GAB4: variants seen among roughly 807,000 people sequenced by gnomAD.
GAB4 encodes the protein GRB2-associated-binding protein 4.
Under a neutral mutation model 51.3 loss-of-function variants are expected in GAB4, and 26 were observed. The ratio of observed to expected loss-of-function variants is 0.51; its 90% CI spans 0.37 to 0.70. The LOEUF (loss-of-function observed/expected upper bound fraction) is 0.70. GAB4 is among the 30% of genes least tolerant of loss of function. The pLI is 0.00. For missense variants in GAB4, 759 were observed against 734.6 expected (o/e 1.03, Z -0.38); for synonymous variants, 329 against 291.2 (o/e 1.13, Z -1.32).
intron 6 of GAB4, among the ~76,000 whole-genome samples, chr22:16,965,855 G>C (rs1418844971): frequency 6.6e-6 from 1 of 152,210 alleles, no homozygotes; most frequent in Non-Finnish European, 1.5e-5. Context: ...TCTACACGTG[G>C]AGGGCACAGA....
intron 4 of GAB4, chr22:16,969,497 G>A (rs1416105628): frequency 2.1e-6 from 1 of 472,200 alleles, no homozygotes; most frequent in Non-Finnish European, 3.7e-6. Context: ...GACTATCAGT[G>A]ACCTGAGTGG....
At chr22:16,978,491 G>A (rs1236588511) in intron 3 of GAB4, among the ~76,000 whole-genome samples, 1 of 152,242 alleles carries the variant, frequency 6.6e-6, no homozygotes, top group Middle Eastern at 3.4e-3. Context: ...GAAGGAAGTC[G>A]AATCCCTGAA....
chr22:16,973,432 TC>T (rs2060749746), intron 3 of GAB4, among the ~76,000 whole-genome samples: 1 of 152,120 alleles, frequency 6.6e-6, no homozygotes, highest in Non-Finnish European at 1.5e-5. Flanking sequence ...GACCAGCAGA[TC>T]CAAACTCTTC....
At chr22:16,980,963 C>T (rs2060822422) in intron 3 of GAB4, among the ~76,000 whole-genome samples, 1 of 151,822 alleles carries the variant, frequency 6.6e-6, no homozygotes, top group Non-Finnish European at 1.5e-5. Flanking sequence ...ACAATGAGAC[C>T]ACATGGACAC....
chr22:16,991,404 C>A (rs778200000), intron 2 of GAB4, among the ~76,000 whole-genome samples: 4 of 151,810 alleles, frequency 2.6e-5, no homozygotes, highest in Non-Finnish European at 4.4e-5. Context: ...CTGCAACTTA[C>A]AACTCATTTT....
At chr22:16,998,808 G>C (rs1335580104) in intron 1 of GAB4, among the ~76,000 whole-genome samples, 1 of 152,136 alleles carries the variant, frequency 6.6e-6, no homozygotes. Context: ...TTATTAATTT[G>C]AGATACATCC....
Position 17,008,201 on chromosome 22 carries a change from CTGGGACTGCGGGGTAGAAAG to C in GAB4, c.-107_-88del. On this transcript the variant is annotated 5_prime_UTR_variant, in exon 1 of 10. Transcript: ENST00000400588. ...GGTGTGAGGGACGGCTTGCGATACC[CTGGGACTGCGGGGTAGAAAG>C]CGCAGTTCTAGGGGAGGTCGGGGTC... The C allele has an allele frequency of 1.0e-6, 1 of 955,308 alleles. No individual in the cohort carries two copies. Among genetic ancestry groups the C allele is most frequent in the Non-Finnish European group, 1.6e-6 (1 of 632,026 alleles). The allele number at this position is 955,308 out of a possible 1,614,324, so 59.2% of individuals were successfully genotyped here.
In GAB4 at chr22:17,008,047, G is replaced by T; in HGVS notation, c.68C>A (p.Ser23Tyr). 6.2e-7 allele frequency: 1 copy of T among 1,609,122 alleles called. No individual in the cohort carries two copies. Among genetic ancestry groups the T allele is most frequent in the Non-Finnish European group, 8.5e-7 (1 of 1,178,034 alleles). ...GGCGGGGCCACTTCCGGGCCACGAA[G>T]ACAAAGGCGCAAATGCCGGGTCAGG... The part of the protein sequence containing the change: ...CPPDPAFAPL[S>Y]SWPGSGPAGG... Residue 23 changes from serine (S) to tyrosine (Y), a missense_variant, in exon 1 of 10, where the codon TCT (serine) becomes TAT (tyrosine). Physicochemically the swap from Ser to Tyr is moderately radical, Grantham distance 144. This residue lies in a region of GAB4 where 83 missense variants were observed against 73.1 expected (regional missense o/e 1.14). Coordinates refer to ENST00000400588, the MANE Select transcript of GAB4 (RefSeq NM_001037814.1).
intron 6 of GAB4, among the ~76,000 whole-genome samples, chr22:16,965,784 G>T (rs559688385): frequency 6.6e-6 from 1 of 152,138 alleles, no homozygotes; most frequent in African/African-American, 2.4e-5. Flanking sequence ...CCCGTGCTGG[G>T]CCAAGGCCAC....
intron 3 of GAB4, among the ~76,000 whole-genome samples, chr22:16,982,059 C>T (rs1049895955): frequency 6.6e-6 from 1 of 152,058 alleles, no homozygotes; most frequent in Non-Finnish European, 1.5e-5. Flanking sequence ...AGGAACATGC[C>T]TCAAAACAAT....
chr22:16,997,948 A>G (rs1333253576), intron 1 of GAB4, among the ~76,000 whole-genome samples: 2 of 152,154 alleles, frequency 1.3e-5, no homozygotes, highest in Admixed American at 1.3e-4. Flanking sequence ...CAAAGATCAG[A>G]TGGTTGTAAA....
chr22:17,005,414 C>T (rs112784922), intron 1 of GAB4, among the ~76,000 whole-genome samples: 3,361 of 152,132 alleles, frequency 0.022, 58 homozygotes, highest in Middle Eastern at 0.068. Flanking sequence ...ATTGTGAAAA[C>T]GGCCATACTG....
chr22:16,963,596 T>A lies in GAB4; in HGVS notation c.1581+129A>T. Reference sequence around the variant, plus strand: ...ATCCAGATCAGAGCACCACTGAGCATAAGAGCCAGGCACTGGGCTGGGAGT... The same window carrying A: ...ATCCAGATCAGAGCACCACTGAGCAAAAGAGCCAGGCACTGGGCTGGGAGT... On this transcript the variant is annotated intron_variant, in intron 9 of 9. Coordinates refer to ENST00000400588, the MANE Select transcript of GAB4 (RefSeq NM_001037814.1). 8 of 691,316 alleles carry A rather than the reference T, an allele frequency of 1.2e-5. 1 individual carries two copies. In the South Asian group the frequency reaches 1.3e-4, roughly 11 times the overall value. 42.8% of individuals were successfully genotyped at this position (691,316 alleles called of 1,614,324 possible). A position where few individuals can be genotyped will look rare whatever the true frequency, so the allele number is the denominator to read the frequency against.
intron 2 of GAB4, 118 bp from the exon 3 acceptor site, chr22:16,988,285 C>G (rs2060885787): frequency 1.4e-6 from 1 of 721,930 alleles, no homozygotes; most frequent in Admixed American, 2.1e-5. Context: ...ACATGCCTGC[C>G]TCCTCTGTCC....
intron 8 of GAB4, 66 bp downstream of exon 8, chr22:16,964,700 C>T (rs940400072): frequency 8.7e-6 from 10 of 1,149,282 alleles, no homozygotes; most frequent in East Asian, 4.7e-5. Flanking sequence ...AGCTGGGAAG[C>T]GGGGACATGA....
chr22:16,988,602 T>C (rs1487001001), intron 2 of GAB4, among the ~76,000 whole-genome samples: 1 of 152,200 alleles, frequency 6.6e-6, no homozygotes, highest in Non-Finnish European at 1.5e-5. Flanking sequence ...GAAACCCAGC[T>C]TTCCTGCCTG....
At chr22:16,969,623 T>C in intron 4 of GAB4, 1 of 623,008 alleles carries the variant, frequency 1.6e-6, no homozygotes, top group Non-Finnish European at 2.9e-6. Flanking sequence ...CTTGGTGACA[T>C]CGGCTGTTGT....
chr22:16,982,447 C>T (rs1339773315), intron 3 of GAB4, among the ~76,000 whole-genome samples: 3 of 151,842 alleles, frequency 2.0e-5, no homozygotes, highest in Non-Finnish European at 2.9e-5. Context: ...AAAATACTTA[C>T]AAAATAATCT....
intron 3 of GAB4, among the ~76,000 whole-genome samples, chr22:16,980,685 C>A (rs890925437): frequency 3.0e-4 from 45 of 152,262 alleles, no homozygotes; most frequent in African/African-American, 9.9e-4. Flanking sequence ...ATAAATCATT[C>A]TACTATAAAG....
Sources: allele counts gnomAD v4.1 joint callset (sites outside exome capture counted in the v4.1 genomes callset), GRCh38; gene constraint gnomAD v4.1.1; regional missense constraint gnomAD v4.1.1; transcripts MANE v1.5; gene names NCBI Gene and HGNC (gene_info 2026-07-23, HGNC 2026-07-21).